SNTG1: variants seen among roughly 807,000 people sequenced by gnomAD.
SNTG1 encodes syntrophin gamma 1, also known as gamma-1-syntrophin.
A neutral mutation model predicts 74.7 loss-of-function variants in SNTG1; 39 were observed. The observed-to-expected ratio is 0.52, with a 90% confidence interval of 0.40 to 0.68. The LOEUF is 0.68. SNTG1 is among the 30% of genes least tolerant of loss of function. The pLI is 0.00. For synonymous variants in SNTG1, 254 were observed against 217.1 expected (o/e 1.17, Z -1.49); for missense variants, 685 against 609.5 (o/e 1.12, Z -1.30).
intron 1 of SNTG1, among the ~76,000 whole-genome samples, chr8:49,952,267 T>A (rs967426916): frequency 6.6e-6 from 1 of 152,072 alleles, no homozygotes; most frequent in African/African-American, 2.4e-5. Context: ...AGTAGACAGA[T>A]TATGAGAAGT....
At chr8:50,783,589 G>C (rs968575258) in intron 18 of SNTG1, among the ~76,000 whole-genome samples, 16 of 152,144 alleles carry the variant, frequency 1.1e-4, no homozygotes, top group Middle Eastern at 3.4e-3. Context: ...GATTTTCCAG[G>C]TGCCATCTGT....
At chr8:50,317,938 G>T (rs113003570) in intron 2 of SNTG1, among the ~76,000 whole-genome samples, 1 of 152,096 alleles carries the variant, frequency 6.6e-6, no homozygotes, top group Non-Finnish European at 1.5e-5. Context: ...CCGGGTTCAC[G>T]CCATTCTCCT....
At chr8:50,064,814 C>G (rs1487468975) in intron 1 of SNTG1, among the ~76,000 whole-genome samples, 2 of 152,210 alleles carry the variant, frequency 1.3e-5, no homozygotes, top group Non-Finnish European at 2.9e-5. Flanking sequence ...TCTCAAGGAG[C>G]TGACTCTTTA....
chr8:50,649,074 C>T (rs1440497744), intron 13 of SNTG1, among the ~76,000 whole-genome samples: 3 of 152,144 alleles, frequency 2.0e-5, no homozygotes, highest in African/African-American at 7.2e-5. Context: ...ACTCTATACT[C>T]GTACTATAAC....
chr8:50,706,898 A>G (rs2095445093), intron 16 of SNTG1, among the ~76,000 whole-genome samples: 1 of 152,054 alleles, frequency 6.6e-6, no homozygotes, highest in Admixed American at 6.5e-5. Flanking sequence ...AGCAGAAAGA[A>G]AAAAATTAAT....
chr8:50,543,095 A>G (rs1480611589), intron 11 of SNTG1, among the ~76,000 whole-genome samples: 1 of 152,052 alleles, frequency 6.6e-6, no homozygotes, highest in African/African-American at 2.4e-5. Flanking sequence ...ATGTAATAAC[A>G]TTTGTCTATT....
chr8:50,150,317 T>G (rs1275081089), intron 1 of SNTG1, among the ~76,000 whole-genome samples: 3 of 152,232 alleles, frequency 2.0e-5, no homozygotes, highest in African/African-American at 7.2e-5. Context: ...GTTTTCTAAA[T>G]ATACAATCAT....
chr8:50,631,367 C>T (rs2094996075), intron 13 of SNTG1, among the ~76,000 whole-genome samples: 1 of 152,152 alleles, frequency 6.6e-6, no homozygotes, highest in Non-Finnish European at 1.5e-5. Context: ...TTCATAGGCA[C>T]CAATTGTTAT....
chr8:50,146,707 T>C (rs117978938), intron 1 of SNTG1, among the ~76,000 whole-genome samples: 4,028 of 152,292 alleles, frequency 0.026, 86 homozygotes, highest in Admixed American at 0.035. Flanking sequence ...CACCAGCCAT[T>C]GATATTGTAA....
chr8:50,251,443 G>A (rs536826299), intron 2 of SNTG1, among the ~76,000 whole-genome samples: 114 of 151,818 alleles, frequency 7.5e-4, no homozygotes, highest in Admixed American at 2.5e-3. Context: ...TAGTTAAAAG[G>A]ATAAAAAACA....
intron 1 of SNTG1, among the ~76,000 whole-genome samples, chr8:49,937,825 A>C (rs1352117): frequency 0.77 from 116,583 of 152,126 alleles, 46,068 homozygotes; most frequent in East Asian, 0.99. Context: ...TTGGAGGCAG[A>C]CAGTTTTCTT....
intron 3 of SNTG1, among the ~76,000 whole-genome samples, chr8:50,397,281 AAAAG>A (rs2092739820): frequency 6.6e-6 from 1 of 152,208 alleles, no homozygotes; most frequent in Non-Finnish European, 1.5e-5. Context: ...TACATTAATA[AAAAG>A]AAAGAAGAAG....
intron 2 of SNTG1, among the ~76,000 whole-genome samples, chr8:50,208,573 A>G (rs1033045176): frequency 1.3e-5 from 2 of 152,108 alleles, no homozygotes; most frequent in South Asian, 4.1e-4. Flanking sequence ...TAAGGTTAAT[A>G]TTTGTTATCT....
intron 1 of SNTG1, among the ~76,000 whole-genome samples, chr8:50,164,677 A>G (rs1356675748): frequency 6.6e-6 from 1 of 152,180 alleles, no homozygotes; most frequent in Non-Finnish European, 1.5e-5. Flanking sequence ...GAAGAGCGCA[A>G]GGTCCCTAAT....
chr8:50,033,084 C>T (rs1408220527), intron 1 of SNTG1, among the ~76,000 whole-genome samples: 1 of 151,190 alleles, frequency 6.6e-6, no homozygotes, highest in Non-Finnish European at 1.5e-5. Context: ...TGAAAACTGC[C>T]TTGCACAGTG....
intron 1 of SNTG1, among the ~76,000 whole-genome samples, chr8:50,075,381 A>C (rs763414073): frequency 1.3e-5 from 2 of 152,204 alleles, no homozygotes; most frequent in Non-Finnish European, 2.9e-5. Flanking sequence ...TGCACCAATC[A>C]GCACTCTGTG....
intron 2 of SNTG1, among the ~76,000 whole-genome samples, chr8:50,306,124 A>C (rs1224527438): frequency 7.0e-6 from 1 of 143,294 alleles, no homozygotes; most frequent in Non-Finnish European, 1.5e-5. Flanking sequence ...GTTAGCTCTC[A>C]CTTATAAGTA....
At chr8:50,098,112 G>GA (rs2079995335) in intron 1 of SNTG1, among the ~76,000 whole-genome samples, 1 of 151,984 alleles carries the variant, frequency 6.6e-6, no homozygotes, top group Non-Finnish European at 1.5e-5. Context: ...TCAACTCCAG[G>GA]AAAAACAGAG....
At chr8:50,113,704 G>A (rs1026595964) in intron 1 of SNTG1, among the ~76,000 whole-genome samples, 11 of 152,132 alleles carry the variant, frequency 7.2e-5, no homozygotes, top group African/African-American at 2.7e-4. Flanking sequence ...CATTCAGTAT[G>A]CAATTGGCTG....
Sources: gnomAD v4.1 joint callset for allele counts (sites outside exome capture counted in the v4.1 genomes callset) on GRCh38, gnomAD v4.1.1 for gene constraint, MANE v1.5 for transcripts, NCBI Gene and HGNC (gene_info 2026-07-23, HGNC 2026-07-21) for gene names.